PTPN13: variants seen among roughly 807,000 people sequenced by gnomAD.
PTPN13 encodes the protein protein tyrosine phosphatase non-receptor type 13.
PTPN13 carries 191 observed loss-of-function variants against 284.0 expected under a neutral mutation model. That is an observed-to-expected ratio of 0.67 (90% CI 0.60 to 0.76). PTPN13 has a LOEUF of 0.76. PTPN13 is among the 30% of genes least tolerant of loss of function. The pLI, the probability that PTPN13 is intolerant of heterozygous loss-of-function variation, is 0.00. For missense variants in PTPN13, 2,797 were observed against 2,939.9 expected, an observed-to-expected ratio of 0.95 and a Z score of 1.12; for synonymous variants, 986 against 1,022.3, an observed-to-expected ratio of 0.96 and a Z score of 0.68.
chr4:86,658,104 A>G (rs1272114015), intron 2 of PTPN13, among the ~76,000 whole-genome samples: 8 of 152,188 alleles, frequency 5.3e-5, no homozygotes, highest in Non-Finnish European at 1.2e-4. Context: ...GGGAAGCCCC[A>G]CTGGCCTGAA....
chr4:86,713,710 A>C (rs1226241369), intron 7 of PTPN13, among the ~76,000 whole-genome samples: 1 of 152,112 alleles, frequency 6.6e-6, no homozygotes, highest in Non-Finnish European at 1.5e-5. Flanking sequence ...CTGTCCATGG[A>C]GTCTGTGGCC....
intron 17 of PTPN13, among the ~76,000 whole-genome samples, chr4:86,750,110 T>C (rs1391564946): frequency 6.6e-6 from 1 of 152,206 alleles, no homozygotes; most frequent in Non-Finnish European, 1.5e-5. Context: ...GCAGAGACAG[T>C]ACTAGGTTTG....
At chr4:86,707,226 A>C (rs572666838) in intron 7 of PTPN13, among the ~76,000 whole-genome samples, 35 of 152,350 alleles carry the variant, frequency 2.3e-4, no homozygotes, top group African/African-American at 7.9e-4. Context: ...GCACAATACT[A>C]GAAAGGAAAG....
intron 1 of PTPN13, among the ~76,000 whole-genome samples, chr4:86,598,122 A>G (rs1763985212): frequency 6.6e-6 from 1 of 150,586 alleles, no homozygotes; most frequent in South Asian, 2.1e-4. Context: ...AATAATATAT[A>G]CTTCTCAAGG....
At chr4:86,662,590 A>G (rs545665281) in intron 2 of PTPN13, among the ~76,000 whole-genome samples, 1 of 152,168 alleles carries the variant, frequency 6.6e-6, no homozygotes, top group Non-Finnish European at 1.5e-5. Flanking sequence ...TCGGCCTCCC[A>G]AAGTGCTGGG....
intron 2 of PTPN13, among the ~76,000 whole-genome samples, chr4:86,664,085 C>CT (rs1184718242): frequency 2.0e-5 from 3 of 152,040 alleles, no homozygotes; most frequent in Non-Finnish European, 4.4e-5. Context: ...CTCCAGGAAA[C>CT]TTTTTAAAAA....
At position 86,811,903 on chromosome 4, in the gene PTPN13, G is replaced by A. The variant is rs35555371; in HGVS notation, c.7362+795G>A. Among the ~76,000 whole-genome samples the A allele has an allele frequency of 2.2e-3, 334 of 152,136 alleles. 1 individual carries two copies. The highest frequency in any genetic ancestry group is 3.8e-3 in the Non-Finnish European group (258 of 68,000). ...AACTATTAAGCTGATTTATAATCAC[G>A]CTTTTTAGGTAAGGAAAACATTTTG... is the stretch of plus-strand genomic sequence containing the variant. On this transcript the variant is annotated intron_variant, in intron 47 of 47. Coordinates refer to ENST00000411767, the MANE Select transcript of PTPN13 (RefSeq NM_080683.3).
Position 86,771,329 on chromosome 4 carries a change from C to G in PTPN13, c.4962C>G (p.Asp1654Glu). Residue 1654 changes from aspartate (D) to glutamate (E), a missense_variant, in exon 31 of 48, where the codon GAC (aspartate) becomes GAG (glutamate). Asp to Glu is a conservative substitution (Grantham distance 45, BLOSUM62 2). Coordinates refer to ENST00000411767, the MANE Select transcript of PTPN13 (RefSeq NM_080683.3). ...CATCCAGAAGAGACAGTTACAGTGA[C>G]AGCAGTGGGAGTGGAGAAGATGACT... ...KSPSRRDSYS[D>E]SSGSGEDDLV... 1.3e-6 allele frequency: 2 copies of G among 1,597,436 alleles called. No homozygotes were observed. Among genetic ancestry groups the G allele is most frequent in the Non-Finnish European group, 1.7e-6 (2 of 1,171,824 alleles).
chr4:86,651,985 G>A (rs1166936116), intron 2 of PTPN13, among the ~76,000 whole-genome samples: 1 of 152,158 alleles, frequency 6.6e-6, no homozygotes, highest in Non-Finnish European at 1.5e-5. Context: ...GCTGAGGCAG[G>A]AGAATTGGAT....
chr4:86,663,213 G>T (rs1032812956), intron 2 of PTPN13, among the ~76,000 whole-genome samples: 4 of 152,172 alleles, frequency 2.6e-5, no homozygotes, highest in African/African-American at 9.7e-5. Context: ...TATAATAAAA[G>T]ACAGATTAAC....
At chr4:86,619,491 A>T (rs1302249313) in intron 1 of PTPN13, among the ~76,000 whole-genome samples, 1 of 152,118 alleles carries the variant, frequency 6.6e-6, no homozygotes, top group African/African-American at 2.4e-5. Context: ...GTGACATGAG[A>T]TTTTATCCTG....
chr4:86,687,323 C>A (rs1340672625), intron 4 of PTPN13, among the ~76,000 whole-genome samples: 2 of 152,102 alleles, frequency 1.3e-5, no homozygotes, highest in African/African-American at 4.8e-5. Context: ...AGGTCTTGGG[C>A]CCTGTTTGCC....
rs781363106 is a variant in PTPN13 at position 86,735,678 on chromosome 4, G to A, written c.2236G>A (p.Glu746Lys). Residue 746 changes from glutamate (E) to lysine (K), a missense_variant, in exon 15 of 48, where the codon GAG becomes AAG. Physicochemically the swap from Glu to Lys is moderately conservative, Grantham distance 56 (BLOSUM62 1). Transcript: ENST00000411767. ...ACTTGATTTATCCTATATCAAAGAA[G>A]AGTTACCCAAATTGCATAATACCTA... Reference protein sequence around the residue: ...EKLDLSYIKEELPKLHNTYVG... With the variant: ...EKLDLSYIKEKLPKLHNTYVG... 6 of 1,613,316 alleles carry A rather than the reference G, an allele frequency of 3.7e-6. No individual in the cohort carries two copies. The highest frequency in any genetic ancestry group is 2.7e-5 in the African/African-American group (2 of 74,890).
chr4:86,636,716 G>A (rs892366071), intron 2 of PTPN13, among the ~76,000 whole-genome samples: 1 of 151,918 alleles, frequency 6.6e-6, no homozygotes, highest in Non-Finnish European at 1.5e-5. Flanking sequence ...ATGCCCACAA[G>A]AGAAAGCAGG....
chr4:86,714,558 T>TA (rs1732798503), intron 7 of PTPN13, among the ~76,000 whole-genome samples: 3 of 152,166 alleles, frequency 2.0e-5, no homozygotes, highest in Admixed American at 1.3e-4. Flanking sequence ...TCTATTTTTT[T>TA]AACCTCTTTT....
chr4:86,701,321 A>AC lies in PTPN13; in HGVS notation c.715_716insC (p.Lys239ThrfsTer14). The AC allele has an allele frequency of 6.2e-7, 1 of 1,612,718 alleles. No homozygotes were observed. The highest frequency in any genetic ancestry group is 8.5e-7 in the Non-Finnish European group (1 of 1,179,044). ...GACCTTTCTTAACAAAGGGCTTAGT[A>AC]AATCTATGGGATTTCTGTCCATCAA... is the stretch of plus-strand genomic sequence containing the variant. On this transcript the variant is annotated frameshift_variant, in exon 7 of 48. Transcript: ENST00000411767. LOFTEE classifies it high-confidence loss of function.
intron 40 of PTPN13, among the ~76,000 whole-genome samples, chr4:86,789,736 A>AT (rs1391640133): frequency 4.6e-5 from 7 of 152,168 alleles, no homozygotes; most frequent in Admixed American, 3.9e-4. Flanking sequence ...CCTTCAGTCC[A>AT]TAGTGACAAG....
chr4:86,770,209 A>C lies in PTPN13; in HGVS notation c.4803+10A>C, dbSNP rs765162370. 5.0e-6 allele frequency: 8 copies of C among 1,601,200 alleles called. No homozygotes were observed. The Admixed American group carries it at 1.2e-4, about 24-fold the overall frequency. The stretch of plus-strand genomic sequence containing the variant: ...TGATACTGCGCTTTTGGTGAGACTT[A>C]TGAAAAGTAATTTACAGTTTTATAG... On this transcript the variant is annotated intron_variant, in intron 30 of 47. Transcript: ENST00000411767.
chr4:86,793,261 C>T (rs1565593889), intron 40 of PTPN13, among the ~76,000 whole-genome samples: 1 of 151,928 alleles, frequency 6.6e-6, no homozygotes, highest in East Asian at 1.9e-4. Context: ...AAGACAAGGC[C>T]ACTATATAAT....
Sources: allele counts gnomAD v4.1 joint callset (sites outside exome capture counted in the v4.1 genomes callset), GRCh38; gene constraint gnomAD v4.1.1; transcripts MANE v1.5; gene names NCBI Gene and HGNC (gene_info 2026-07-23, HGNC 2026-07-21).